The following HCN1 variants were observed in gnomAD, a reference collection of about 807,000 sequenced individuals.
HCN1 encodes the protein potassium/sodium hyperpolarization-activated cyclic nucleotide-gated channel 1.
In HCN1, 13 loss-of-function variants were observed where a neutral mutation model predicts 78.9. The ratio of observed to expected loss-of-function variants is 0.16; its 90% CI spans 0.11 to 0.26. The LOEUF is 0.26. Among genes scored for constraint, HCN1 ranks in the 10% least tolerant of loss-of-function variants. The pLI is 1.00. For synonymous variants in HCN1, 552 were observed against 455.5 expected, an observed-to-expected ratio of 1.21 and a Z score of -2.70; for missense variants, 810 against 1,154.3, an observed-to-expected ratio of 0.70 and a Z score of 4.32.
rs531512653 is a variant in HCN1 at position 45,293,479 on chromosome 5, AAAAACAAAAC to A, written c.1618+10110_1618+10119del. Among the ~76,000 whole-genome samples, 164 of 151,940 alleles carry A rather than the reference AAAAACAAAAC, an allele frequency of 1.1e-3. 1 individual carries two copies. The South Asian group carries it at 0.019, about 18-fold the overall frequency. On this transcript the variant is annotated intron_variant, in intron 6 of 7. Coordinates refer to ENST00000303230, the MANE Select transcript of HCN1 (RefSeq NM_021072.4). ...GGTGACAGAGCAAGACATGGTCTAC[AAAAACAAAAC>A]AAAACAAAACAAAACAAAACAAAGC... is the stretch of plus-strand genomic sequence containing the variant.
chr5:45,287,508 A>G (rs1040351041), intron 6 of HCN1, among the ~76,000 whole-genome samples: 1 of 152,110 alleles, frequency 6.6e-6, no homozygotes, highest in Non-Finnish European at 1.5e-5. Flanking sequence ...GGAATTACTT[A>G]GCACAATGCC....
intron 5 of HCN1, among the ~76,000 whole-genome samples, chr5:45,337,122 T>A (rs1024123486): frequency 2.0e-5 from 3 of 152,010 alleles, no homozygotes; most frequent in African/African-American, 7.2e-5. Flanking sequence ...TAATGGTACC[T>A]TCCTCTTCGC....
Position 45,677,089 on chromosome 5 carries a change from T to G in HCN1, c.425+18580A>C, listed in dbSNP as rs1739572952. ...GGCTAATTCCTATTTGTCTTTGAATTCTAAGTTCAACTCCCACATCTTCAT... is the reference window on the plus strand; with the variant it reads ...GGCTAATTCCTATTTGTCTTTGAATGCTAAGTTCAACTCCCACATCTTCAT... On this transcript the variant is annotated intron_variant, in intron 1 of 7. Transcript: ENST00000303230. 3.3e-5 allele frequency among the ~76,000 whole-genome samples: 5 copies of G among 151,818 alleles called. No individual in the cohort carries two copies. The Admixed American group carries it at 3.3e-4, about 10-fold the overall frequency.
intron 2 of HCN1, among the ~76,000 whole-genome samples, chr5:45,600,602 T>C (rs1436768155): frequency 2.0e-5 from 3 of 152,160 alleles, no homozygotes; most frequent in Non-Finnish European, 2.9e-5. Context: ...AACATCTCAC[T>C]TCAAAGCTAT....
At chr5:45,655,248 A>G (rs1401206389) in intron 1 of HCN1, among the ~76,000 whole-genome samples, 2 of 152,270 alleles carry the variant, frequency 1.3e-5, no homozygotes, top group Non-Finnish European at 2.9e-5. Flanking sequence ...ATAAAGTATT[A>G]ACTAATAAAT....
chr5:45,330,912 C>T (rs1013767817), intron 5 of HCN1, among the ~76,000 whole-genome samples: 3 of 150,964 alleles, frequency 2.0e-5, no homozygotes, highest in Non-Finnish European at 4.5e-5. Context: ...TAAAATTTAC[C>T]AGGAAGCCAC....
intron 3 of HCN1, among the ~76,000 whole-genome samples, chr5:45,417,286 A>G (rs1740137045): frequency 6.6e-6 from 1 of 151,928 alleles, no homozygotes; most frequent in Non-Finnish European, 1.5e-5. Flanking sequence ...TACTACATTA[A>G]TGTAATGTTT....
rs1017748174 is a variant in HCN1, at chr5:45,679,239, A to G, written c.425+16430T>C. Among the ~76,000 whole-genome samples the G allele has an allele frequency of 3.9e-5, 6 of 151,986 alleles. No individual in the cohort carries two copies. In the East Asian group the frequency reaches 9.7e-4, roughly 24 times the overall value. On this transcript the variant is annotated intron_variant, in intron 1 of 7. Transcript: ENST00000303230. ...TAACTTTTCCATAGTTCAGTTTTCT[A>G]AGCTGAAATAGGAAACAAACAGTAC...
At chr5:45,530,300 C>G (rs1199026273) in intron 2 of HCN1, among the ~76,000 whole-genome samples, 5 of 151,870 alleles carry the variant, frequency 3.3e-5, no homozygotes, top group Admixed American at 6.6e-5. Flanking sequence ...TAAACAGAAG[C>G]CTGCCTTAAG....
intron 2 of HCN1, among the ~76,000 whole-genome samples, chr5:45,489,745 T>C (rs1012622389): frequency 6.6e-6 from 1 of 152,132 alleles, no homozygotes; most frequent in Non-Finnish European, 1.5e-5. Context: ...AAGATGTGGT[T>C]CCTGGTCTAT....
intron 2 of HCN1, among the ~76,000 whole-genome samples, chr5:45,549,705 C>T: frequency 6.6e-6 from 1 of 152,114 alleles, no homozygotes; most frequent in East Asian, 1.9e-4. Context: ...TCAGAGTGAA[C>T]AGGCAACCTA....
At chr5:45,455,714 G>A (rs76426583) in intron 3 of HCN1, among the ~76,000 whole-genome samples, 339 of 147,366 alleles carry the variant, frequency 2.3e-3, no homozygotes, top group African/African-American at 8.1e-3. Flanking sequence ...AGTTAGGATA[G>A]GCTATGTTAT....
intron 3 of HCN1, among the ~76,000 whole-genome samples, chr5:45,419,766 G>T (rs544455250): frequency 1.3e-4 from 20 of 152,276 alleles, no homozygotes; most frequent in Admixed American, 7.2e-4. Flanking sequence ...TCCTGTCAAT[G>T]CAGTCCTGTC....
At position 45,304,627 on chromosome 5, in the gene HCN1, A is replaced by T. The variant is rs189959011; in HGVS notation, c.1378-788T>A. On this transcript the variant is annotated intron_variant, in intron 5 of 7. Coordinates refer to ENST00000303230, the MANE Select transcript of HCN1 (RefSeq NM_021072.4). ...GAGGCGGAGATTGCAGTGAGCCAAG[A>T]TCATACCACTGCACTCCATCTTGGA... Among the ~76,000 whole-genome samples the T allele has an allele frequency of 2.7e-3, 418 of 152,244 alleles. 4 individuals carry two copies. Among genetic ancestry groups the T allele is most frequent in the Admixed American group, 4.1e-3 (62 of 15,284 alleles).
chr5:45,426,030 G>A (rs1023589742), intron 3 of HCN1, among the ~76,000 whole-genome samples: 3 of 152,166 alleles, frequency 2.0e-5, no homozygotes, highest in Non-Finnish European at 4.4e-5. Flanking sequence ...AGGTATATAT[G>A]TTCCTGAGCC....
At chr5:45,348,918 A>C (rs992117403) in intron 5 of HCN1, among the ~76,000 whole-genome samples, 3 of 152,196 alleles carry the variant, frequency 2.0e-5, no homozygotes, top group African/African-American at 7.2e-5. Context: ...CCACACAATA[A>C]TAAAGGGAAA....
At chr5:45,341,780 T>A (rs923119556) in intron 5 of HCN1, among the ~76,000 whole-genome samples, 1 of 152,108 alleles carries the variant, frequency 6.6e-6, no homozygotes, top group Non-Finnish European at 1.5e-5. Context: ...CTGCTTATTA[T>A]GAGAATATTT....
In HCN1 at chr5:45,258,764, A is replaced by T. The variant is rs1271180552; in HGVS notation, c.*3157T>A. On this transcript the variant is annotated 3_prime_UTR_variant, in exon 8 of 8. Transcript: ENST00000303230. Reference sequence around the variant, plus strand: ...CTATAAATATGAATGTATTTATATAAACCTGTTTTGTTATAATAGAGCCCA... The same window carrying T: ...CTATAAATATGAATGTATTTATATATACCTGTTTTGTTATAATAGAGCCCA... 6.6e-6 allele frequency: 1 copy of T among 151,992 alleles called. No homozygotes were observed. The highest frequency in any genetic ancestry group is 2.4e-5 in the African/African-American group (1 of 41,430). The allele number at this position is 151,992 out of a possible 1,614,324, so 9.4% of individuals were successfully genotyped here.
At chr5:45,298,204 T>C (rs975909596) in intron 6 of HCN1, among the ~76,000 whole-genome samples, 20 of 152,142 alleles carry the variant, frequency 1.3e-4, no homozygotes, top group African/African-American at 4.3e-4. Flanking sequence ...TATCCATTCA[T>C]GGATTAATTG....
Sources: gnomAD v4.1 joint callset for allele counts (sites outside exome capture counted in the v4.1 genomes callset) on GRCh38, gnomAD v4.1.1 for gene constraint, MANE v1.5 for transcripts, NCBI Gene and HGNC (gene_info 2026-07-23, HGNC 2026-07-21) for gene names.